The following KCNQ5 variants were observed in gnomAD, a reference collection of about 807,000 sequenced individuals.
KCNQ5 encodes the protein potassium voltage-gated channel subfamily Q member 5, also known as potassium voltage-gated channel subfamily KQT member 5.
A neutral mutation model predicts 98.2 loss-of-function variants in KCNQ5; 30 were observed. The ratio of observed to expected loss-of-function variants is 0.31; its 90% confidence interval spans 0.23 to 0.41. The LOEUF is 0.41. KCNQ5 is among the 10% of genes least tolerant of loss of function. The pLI is 1.00. For synonymous variants in KCNQ5, 458 were observed against 449.4 expected (o/e 1.02, Z -0.24); for missense variants, 835 against 1,182.5 (o/e 0.71, Z 4.31).
chr6:73,149,260 A>G (rs975563639), intron 10 of KCNQ5, among the ~76,000 whole-genome samples: 2 of 152,236 alleles, frequency 1.3e-5, no homozygotes, highest in Non-Finnish European at 2.9e-5. Context: ...AGAATGCATC[A>G]CAAGTAATAA....
chr6:73,119,602 T>C (rs1163200582), intron 7 of KCNQ5, among the ~76,000 whole-genome samples: 1 of 152,222 alleles, frequency 6.6e-6, no homozygotes, highest in Non-Finnish European at 1.5e-5. Flanking sequence ...TTGATATCAC[T>C]ATCTTCATTT....
intron 1 of KCNQ5, among the ~76,000 whole-genome samples, chr6:72,889,780 T>C (rs1778988824): frequency 6.6e-6 from 1 of 152,216 alleles, no homozygotes. Context: ...ATTTGATCAT[T>C]AGACATTATA....
chr6:72,946,081 A>G (rs1766532538), intron 1 of KCNQ5, among the ~76,000 whole-genome samples: 1 of 152,148 alleles, frequency 6.6e-6, no homozygotes, highest in Non-Finnish European at 1.5e-5. Context: ...ACAGTATTTT[A>G]CTTCAGCAGA....
intron 1 of KCNQ5, among the ~76,000 whole-genome samples, chr6:72,649,496 A>C (rs553456404): frequency 1.3e-5 from 2 of 152,264 alleles, no homozygotes; most frequent in Admixed American, 1.3e-4. Flanking sequence ...GGAGCTACGG[A>C]CCCAGTAAAG....
Position 72,753,364 on chromosome 6 carries a change from G to T in KCNQ5, c.398+130777G>T, listed in dbSNP as rs9446748. Among the ~76,000 whole-genome samples the T allele has an allele frequency of 5.2e-3, 795 of 152,086 alleles. 12 individuals are homozygous for T. The highest frequency in any genetic ancestry group is 0.019 in the African/African-American group (773 of 41,498). On this transcript the variant is annotated intron_variant, in intron 1 of 13. Coordinates refer to ENST00000370398, the MANE Select transcript of KCNQ5 (RefSeq NM_019842.4). ...TAATTTGTTTATTCTTTCATTAATT[G>T]TTGGATATTTGGTTTGGTGATTATG...
chr6:73,119,015 T>A (rs1411292588), intron 7 of KCNQ5, among the ~76,000 whole-genome samples: 1 of 152,166 alleles, frequency 6.6e-6, no homozygotes, highest in Non-Finnish European at 1.5e-5. Flanking sequence ...AGGGAGACCC[T>A]GTCTCAAATA....
Position 73,194,495 on chromosome 6 carries a change from A to G in KCNQ5, c.1880A>G (p.Tyr627Cys). The G allele has an allele frequency of 1.2e-6, 2 of 1,614,162 alleles. No individual in the cohort carries two copies. The highest frequency in any genetic ancestry group is 4.5e-5 in the East Asian group (2 of 44,886). Reference sequence around the variant, plus strand: ...AAGCTGGACTGCCTACTAGACATCTATCAACAGGTCCTTCGGAAAGGCTCT... The same window carrying G: ...AAGCTGGACTGCCTACTAGACATCTGTCAACAGGTCCTTCGGAAAGGCTCT... Reference protein sequence around the residue: ...ESKLDCLLDIYQQVLRKGSAS... With the variant: ...ESKLDCLLDICQQVLRKGSAS... Residue 627 changes from tyrosine (Y) to cysteine (C), a missense_variant, in exon 14 of 14, where the codon TAT becomes TGT. Transcript: ENST00000370398.
At chr6:72,877,141 C>A (rs1292787958) in intron 1 of KCNQ5, among the ~76,000 whole-genome samples, 1 of 152,036 alleles carries the variant, frequency 6.6e-6, no homozygotes, top group Non-Finnish European at 1.5e-5. Context: ...TGTTTTGCTG[C>A]ACCTATCAAC....
intron 1 of KCNQ5, among the ~76,000 whole-genome samples, chr6:72,933,669 A>G (rs578224592): frequency 6.6e-6 from 1 of 152,346 alleles, no homozygotes; most frequent in African/African-American, 2.4e-5. Flanking sequence ...AGTAAAAATC[A>G]TGCTGCAAAA....
At chr6:72,702,015 G>A (rs988936106) in intron 1 of KCNQ5, among the ~76,000 whole-genome samples, 9 of 151,774 alleles carry the variant, frequency 5.9e-5, no homozygotes, top group African/African-American at 2.2e-4. Flanking sequence ...TAATTTTGTG[G>A]GCTGTTTTTT....
At chr6:72,705,926 TTGTG>T (rs1317563003) in intron 1 of KCNQ5, among the ~76,000 whole-genome samples, 8 of 151,726 alleles carry the variant, frequency 5.3e-5, no homozygotes, top group Non-Finnish European at 2.9e-5. Context: ...GAAATGAGAT[TTGTG>T]TGTGTGTGTG....
At chr6:73,133,176 TC>T (rs1449578946) in intron 9 of KCNQ5, among the ~76,000 whole-genome samples, 1 of 152,098 alleles carries the variant, frequency 6.6e-6, no homozygotes, top group Non-Finnish European at 1.5e-5. Flanking sequence ...ATGACCTCAG[TC>T]TTTTCTACAA....
At chr6:73,150,277 T>C (rs1197130147) in intron 10 of KCNQ5, among the ~76,000 whole-genome samples, 3 of 151,818 alleles carry the variant, frequency 2.0e-5, no homozygotes, top group Non-Finnish European at 2.9e-5. Context: ...AACAGTTTAG[T>C]AGTTTCTTAA....
intron 1 of KCNQ5, among the ~76,000 whole-genome samples, chr6:72,968,989 A>C (rs1252725337): frequency 6.6e-6 from 1 of 152,196 alleles, no homozygotes; most frequent in East Asian, 1.9e-4. Context: ...TAAGGAGTTG[A>C]GGAATAAGCT....
intron 1 of KCNQ5, among the ~76,000 whole-genome samples, chr6:72,855,523 CA>C (rs1562027055): frequency 6.6e-6 from 1 of 151,950 alleles, no homozygotes. Context: ...TATTTGTAGA[CA>C]AAGCTAGAAT....
At chr6:72,924,425 G>A (rs771127724) in intron 1 of KCNQ5, among the ~76,000 whole-genome samples, 11 of 152,076 alleles carry the variant, frequency 7.2e-5, no homozygotes, top group Non-Finnish European at 1.5e-4. Flanking sequence ...CTTAGAGGTC[G>A]TCACCTCACA....
intron 1 of KCNQ5, among the ~76,000 whole-genome samples, chr6:72,822,801 T>C (rs967251228): frequency 6.6e-6 from 1 of 152,186 alleles, no homozygotes; most frequent in African/African-American, 2.4e-5. Flanking sequence ...AAATAGGTCA[T>C]AGGGAATAAA....
chr6:72,953,687 G>A (rs879518796), intron 1 of KCNQ5, among the ~76,000 whole-genome samples: 3 of 152,142 alleles, frequency 2.0e-5, no homozygotes, highest in Admixed American at 6.5e-5. Context: ...GAAACATGAA[G>A]AGGTCTCACA....
intron 8 of KCNQ5, among the ~76,000 whole-genome samples, chr6:73,122,760 G>A (rs1300350294): frequency 6.6e-6 from 1 of 152,186 alleles, no homozygotes; most frequent in Non-Finnish European, 1.5e-5. Context: ...TCCCAAGAAA[G>A]ATAATCAATG....
Sources: gnomAD v4.1 joint callset for allele counts (sites outside exome capture counted in the v4.1 genomes callset) on GRCh38, gnomAD v4.1.1 for gene constraint, MANE v1.5 for transcripts, NCBI Gene and HGNC (gene_info 2026-07-23, HGNC 2026-07-21) for gene names.